Variants in KREMEN1 observed in about 807,000 individuals in gnomAD.
KREMEN1 encodes the protein kringle containing transmembrane protein 1.
A neutral mutation model predicts 46.5 loss-of-function variants in KREMEN1; 30 were observed. The ratio of observed to expected loss-of-function variants is 0.65; its 90% CI spans 0.48 to 0.88. The LOEUF is 0.88. Ranked by LOEUF, KREMEN1 falls within the 40% of genes least tolerant of loss-of-function variation. The pLI is 0.00. For synonymous variants in KREMEN1, 214 were observed against 230.6 expected, an observed-to-expected ratio of 0.93 and a Z score of 0.65; for missense variants, 533 against 596.9, an observed-to-expected ratio of 0.89 and a Z score of 1.11.
In KREMEN1 at chr22:29,143,926, TGGAGCTCCTCCAA is replaced by T. The variant is rs913548425; in HGVS notation, c.*1826_*1838del. On this transcript the variant is annotated 3_prime_UTR_variant, in exon 9 of 9. Transcript: ENST00000400335. ...GCCAGAAGAGGGTGGGTTTGGGAAT[TGGAGCTCCTCCAA>T]GGAGCTCCTCCTAAGATTGAGTGCT... 2.9e-5 allele frequency: 29 copies of T among 985,304 alleles called. No homozygotes were observed. The highest frequency in any genetic ancestry group is 5.2e-4 in the Middle Eastern group (1 of 1,936). 61.0% of individuals were successfully genotyped at this position (985,304 alleles called of 1,614,324 possible). A position where few individuals can be genotyped will look rare whatever the true frequency, so the allele number is the denominator to read the frequency against.
At chr22:29,152,071 T>A (rs1376518031) in intron 9 of KREMEN1, among the ~76,000 whole-genome samples, 1 of 151,460 alleles carries the variant, frequency 6.6e-6, no homozygotes, top group Non-Finnish European at 1.5e-5. Context: ...CTGTTTGCTT[T>A]CCTAAGAGAC....
intron 9 of KREMEN1, chr22:29,166,961 G>C (rs538008940): frequency 2.7e-6 from 3 of 1,118,604 alleles, no homozygotes; most frequent in South Asian, 2.7e-5. Flanking sequence ...ACCAAAATCA[G>C]TCAAATGCTT....
At chr22:29,131,748 GTATATATGTATA>G (rs1217805216) in intron 5 of KREMEN1, among the ~76,000 whole-genome samples, 33 of 130,294 alleles carry the variant, frequency 2.5e-4, no homozygotes, top group African/African-American at 3.2e-4. Flanking sequence ...GTATATATAT[GTATATATGTATA>G]TATATATGTA....
intron 1 of KREMEN1, among the ~76,000 whole-genome samples, chr22:29,075,661 G>T (rs1279117546): frequency 6.6e-6 from 1 of 151,944 alleles, no homozygotes; most frequent in Admixed American, 6.6e-5. Context: ...ATCCTGTCTA[G>T]ATCCTACTCA....
chr22:29,094,690 C>T (rs892619487), intron 2 of KREMEN1, among the ~76,000 whole-genome samples: 10 of 147,888 alleles, frequency 6.8e-5, no homozygotes, highest in African/African-American at 2.0e-4. Context: ...GTGGCGCGAT[C>T]TCGGCTCACT....
intron 9 of KREMEN1, among the ~76,000 whole-genome samples, chr22:29,159,931 G>T (rs560339334): frequency 3.9e-5 from 6 of 152,112 alleles, no homozygotes; most frequent in African/African-American, 1.4e-4. Flanking sequence ...TAAAGATAAG[G>T]TCTCTTAGCC....
In KREMEN1 at chr22:29,144,162, G is replaced by A. The variant is rs934444417; in HGVS notation, c.*2050G>A. 15 of 985,520 alleles carry A rather than the reference G, an allele frequency of 1.5e-5. No individual in the cohort carries two copies. The East Asian group carries it at 3.4e-4, about 22-fold the overall frequency. The allele number at this position is 985,520 out of a possible 1,614,324, so 61.0% of individuals were successfully genotyped here. On this transcript the variant is annotated 3_prime_UTR_variant, in exon 9 of 9. Coordinates refer to ENST00000400335, the MANE Select transcript of KREMEN1 (RefSeq NM_001039570.3). ...TGATTGTTGCGCCTCTGGCTTTGGC[G>A]TTTCCTCTTTGCAGCACTTTGCCTA...
intron 1 of KREMEN1, among the ~76,000 whole-genome samples, chr22:29,080,000 T>C (rs938056550): frequency 6.6e-6 from 1 of 152,250 alleles, no homozygotes; most frequent in Non-Finnish European, 1.5e-5. Flanking sequence ...TTTGATGTTC[T>C]TCCGAAGACC....
At chr22:29,141,291 G>C (rs935424364) in intron 8 of KREMEN1, among the ~76,000 whole-genome samples, 23 of 140,556 alleles carry the variant, frequency 1.6e-4, no homozygotes, top group African/African-American at 6.8e-4. Context: ...GTGTCTGTGT[G>C]TGTGTGTCTG....
intron 9 of KREMEN1, among the ~76,000 whole-genome samples, chr22:29,165,044 G>C (rs566690318): frequency 6.6e-6 from 1 of 152,078 alleles, no homozygotes. Flanking sequence ...ATGGTGGTGC[G>C]TGCCTGTGGT....
chr22:29,142,563 A>G lies in KREMEN1; in HGVS notation c.*451A>G, dbSNP rs537846231. 1 of 986,034 alleles carries G rather than the reference A, an allele frequency of 1.0e-6. No homozygotes were observed. Among genetic ancestry groups the G allele is most frequent in the South Asian group, 4.7e-5 (1 of 21,300 alleles). 61.1% of individuals were successfully genotyped at this position (986,034 alleles called of 1,614,324 possible). ...TTTCTCCTGATCTTTATGTCTTGGA[A>G]CAGGGCCAGACAGGGAGAACTCTCA... On this transcript the variant is annotated 3_prime_UTR_variant, in exon 9 of 9. Transcript: ENST00000400335.
At chr22:29,098,233 A>G (rs2037914305) in intron 2 of KREMEN1, among the ~76,000 whole-genome samples, 1 of 152,188 alleles carries the variant, frequency 6.6e-6, no homozygotes, top group East Asian at 1.9e-4. Context: ...TTGCAAATTA[A>G]TAAGACTGGT....
At chr22:29,161,990 T>C (rs1292752160) in intron 9 of KREMEN1, among the ~76,000 whole-genome samples, 1 of 151,760 alleles carries the variant, frequency 6.6e-6, no homozygotes. Context: ...TGGTGGTGCA[T>C]GTCTATAATC....
downstream of KREMEN1, among the ~76,000 whole-genome samples, chr22:29,147,736 G>A (rs2038883206): frequency 6.6e-6 from 1 of 152,220 alleles, no homozygotes; most frequent in African/African-American, 2.4e-5. Context: ...GATGCTGAGG[G>A]CATGCCTGGG....
At chr22:29,118,858 G>A (rs750925260) in intron 3 of KREMEN1, among the ~76,000 whole-genome samples, 13 of 152,112 alleles carry the variant, frequency 8.5e-5, no homozygotes, top group African/African-American at 1.7e-4. Context: ...GACACCACCT[G>A]GGGGTCCTAC....
intron 2 of KREMEN1, among the ~76,000 whole-genome samples, chr22:29,098,544 C>A (rs1164481734): frequency 6.6e-6 from 1 of 152,202 alleles, no homozygotes; most frequent in Non-Finnish European, 1.5e-5. Context: ...TCTCCATGCT[C>A]ACATTCAAGG....
rs140053168 is a variant in KREMEN1, at chr22:29,160,909, A to G, written c.1417-6135A>G. On this transcript the variant is annotated intron_variant, in intron 9 of 9. Coordinates refer to the KREMEN1 transcript ENST00000327813. Reference sequence around the variant, plus strand: ...AACTTAATGAAATTGAGACACAAAAATTCATACAAAGAATCAGCAAAACCA... The same window carrying G: ...AACTTAATGAAATTGAGACACAAAAGTTCATACAAAGAATCAGCAAAACCA... Among the ~76,000 whole-genome samples, 404 of 152,360 alleles carry G rather than the reference A, an allele frequency of 2.7e-3. 6 individuals carry two copies. The highest frequency in any genetic ancestry group is 9.4e-3 in the African/African-American group (392 of 41,594).
At position 29,142,880 on chromosome 22, in the gene KREMEN1, T is replaced by C. The variant is rs6006026; in HGVS notation, c.*768T>C. 1.8e-3 allele frequency: 1,781 copies of C among 985,166 alleles called. 17 individuals carry two copies. In the African/African-American group the frequency reaches 0.028, roughly 15 times the overall value. 61.0% of individuals were successfully genotyped at this position (985,166 alleles called of 1,614,324 possible). A position where few individuals can be genotyped will look rare whatever the true frequency, so the allele number is the denominator to read the frequency against. ...AAAACATCCATTCAGCTGGGCGCGA[T>C]GGCTCATGCCTGTAATCCCAGCACT... On this transcript the variant is annotated 3_prime_UTR_variant, in exon 9 of 9. Coordinates refer to ENST00000400335, the MANE Select transcript of KREMEN1 (RefSeq NM_001039570.3).
chr22:29,142,076 T>C lies in KREMEN1; in HGVS notation c.1341T>C (p.Ser447=). 6.2e-7 allele frequency: 1 copy of C among 1,611,550 alleles called. No homozygotes were observed. Among genetic ancestry groups the C allele is most frequent in the African/African-American group, 1.3e-5 (1 of 74,830 alleles). ...SIFKKKLKGQ[S]QQDDRNPLVS... is the part of the protein sequence containing the mutation. The stretch of plus-strand genomic sequence containing the variant: ...TTAAGAAGAAACTCAAGGGTCAGAG[T>C]CAACAAGATGACCGCAATCCCCTTG... The change falls in exon 9 of 9, where the codon AGT becomes AGC. Residue 447 remains serine, a synonymous_variant. Coordinates refer to ENST00000400335, the MANE Select transcript of KREMEN1 (RefSeq NM_001039570.3).
Sources: gnomAD v4.1 joint callset for allele counts (sites outside exome capture counted in the v4.1 genomes callset) on GRCh38, gnomAD v4.1.1 for gene constraint, MANE v1.5 for transcripts, NCBI Gene and HGNC (gene_info 2026-07-23, HGNC 2026-07-21) for gene names.